The following SCHIP1 variants were observed in gnomAD, a reference collection of about 807,000 sequenced individuals.
SCHIP1 encodes schwannomin-interacting protein 1.
A neutral mutation model predicts 29.7 loss-of-function variants in SCHIP1; 8 were observed. The observed-to-expected ratio is 0.27, with a 90% CI of 0.16 to 0.49. The LOEUF (loss-of-function observed/expected upper bound fraction) is 0.49, where lower values mean the gene tolerates loss of function less well. SCHIP1 is among the 20% of genes least tolerant of loss of function. The pLI is 0.99. For missense variants in SCHIP1, 193 were observed against 294.6 expected (o/e 0.66, Z 2.52); for synonymous variants, 76 against 94.9 (o/e 0.80, Z 1.16).
chr3:159,647,761 C>A, the SCHIP1 span, among the ~76,000 whole-genome samples: 949 of 152,248 alleles, frequency 6.2e-3, 16 homozygotes, highest in African/African-American at 0.02. Flanking sequence ...TGTCTACTTG[C>A]TGACAGAAAC....
At chr3:159,649,474 C>T in the SCHIP1 span, among the ~76,000 whole-genome samples, 1 of 151,898 alleles carries the variant, frequency 6.6e-6, no homozygotes, top group Non-Finnish European at 1.5e-5. Flanking sequence ...AGCGAAAGAA[C>T]CAAATCATCA....
the SCHIP1 span, among the ~76,000 whole-genome samples, chr3:159,308,703 A>G: frequency 6.6e-6 from 1 of 152,224 alleles, no homozygotes; most frequent in Admixed American, 6.5e-5. Context: ...CCGAAAAGAC[A>G]TATGCACTTG....
chr3:159,388,404 T>C, the SCHIP1 span, among the ~76,000 whole-genome samples: 1 of 152,086 alleles, frequency 6.6e-6, no homozygotes, highest in Non-Finnish European at 1.5e-5. Context: ...CCACAAAATT[T>C]TTCTGAAGGA....
the SCHIP1 span, among the ~76,000 whole-genome samples, chr3:159,700,300 A>C: frequency 6.6e-6 from 1 of 152,240 alleles, no homozygotes. Flanking sequence ...CAAGTGATGC[A>C]GTTTCTCCAA....
At chr3:159,575,542 C>A in the SCHIP1 span, among the ~76,000 whole-genome samples, 1 of 152,076 alleles carries the variant, frequency 6.6e-6, no homozygotes, top group Non-Finnish European at 1.5e-5. Flanking sequence ...CTCAAGCGAT[C>A]CTCCTAACTC....
At chr3:159,621,737 C>T in the SCHIP1 span, among the ~76,000 whole-genome samples, 2 of 151,866 alleles carry the variant, frequency 1.3e-5, no homozygotes, top group East Asian at 3.9e-4. Context: ...ATGATCTCGT[C>T]CCACTGCAAT....
At chr3:159,436,672 A>T in the SCHIP1 span, among the ~76,000 whole-genome samples, 1 of 152,180 alleles carries the variant, frequency 6.6e-6, no homozygotes, top group African/African-American at 2.4e-5. Context: ...ATGAAAGGTC[A>T]GGACCCAAGT....
At chr3:159,737,601 GAC>G in the SCHIP1 span, among the ~76,000 whole-genome samples, 2 of 152,178 alleles carry the variant, frequency 1.3e-5, no homozygotes, top group Admixed American at 6.5e-5. Flanking sequence ...CTGTGCTAAA[GAC>G]ACATGTTATT....
chr3:159,394,764 A>G, the SCHIP1 span, among the ~76,000 whole-genome samples: 7 of 152,174 alleles, frequency 4.6e-5, no homozygotes, highest in South Asian at 6.2e-4. Context: ...AAGGATAGTG[A>G]TCTAAAATTC....
At chr3:159,618,089 CTATCT>C in the SCHIP1 span, among the ~76,000 whole-genome samples, 51 of 152,286 alleles carry the variant, frequency 3.3e-4, no homozygotes, top group East Asian at 9.1e-3. Context: ...ATTATGCATC[CTATCT>C]TATCTTCAAA....
the SCHIP1 span, among the ~76,000 whole-genome samples, chr3:159,458,241 T>C: frequency 2.0e-5 from 3 of 152,324 alleles, no homozygotes; most frequent in East Asian, 5.8e-4. Flanking sequence ...TCCCCAGTAG[T>C]TGTCCTTTCT....
the SCHIP1 span, among the ~76,000 whole-genome samples, chr3:159,425,187 A>C: frequency 1.3e-5 from 2 of 152,150 alleles, no homozygotes; most frequent in Non-Finnish European, 2.9e-5. Context: ...ATTCACACAT[A>C]ACAATATTAA....
chr3:159,457,634 C>T, the SCHIP1 span, among the ~76,000 whole-genome samples: 2 of 152,032 alleles, frequency 1.3e-5, no homozygotes, highest in East Asian at 1.9e-4. Context: ...GAAAATATGA[C>T]ATATCAAAGA....
chr3:159,590,652 TC>T, the SCHIP1 span, among the ~76,000 whole-genome samples: 1 of 152,090 alleles, frequency 6.6e-6, no homozygotes, highest in East Asian at 1.9e-4. Flanking sequence ...GTGTGTTAAA[TC>T]CCTCTCCCTG....
the SCHIP1 span, among the ~76,000 whole-genome samples, chr3:159,804,656 G>A: frequency 1.3e-5 from 2 of 152,150 alleles, no homozygotes; most frequent in African/African-American, 4.8e-5. Flanking sequence ...TTGTCCCCTC[G>A]GTGTATACTT....
the SCHIP1 span, among the ~76,000 whole-genome samples, chr3:159,696,622 T>G: frequency 6.6e-6 from 1 of 152,202 alleles, no homozygotes; most frequent in African/African-American, 2.4e-5. Flanking sequence ...TTAGACAAGT[T>G]TTCTACTCTC....
chr3:159,580,966 G>T, the SCHIP1 span, among the ~76,000 whole-genome samples: 3 of 152,128 alleles, frequency 2.0e-5, no homozygotes, highest in African/African-American at 7.2e-5. Context: ...CTGAAAAATT[G>T]TGTCTCTTTT....
the SCHIP1 span, among the ~76,000 whole-genome samples, chr3:159,430,685 A>C: frequency 3.3e-5 from 5 of 152,172 alleles, no homozygotes; most frequent in Non-Finnish European, 5.9e-5. Flanking sequence ...CATGTGAGAA[A>C]TGACTAAAGA....
At chr3:159,466,956 C>A in the SCHIP1 span, among the ~76,000 whole-genome samples, 5 of 151,888 alleles carry the variant, frequency 3.3e-5, no homozygotes, top group Admixed American at 1.3e-4. Flanking sequence ...AAATGAAAAA[C>A]CACTTTCAAT....
Sources: gnomAD v4.1 joint callset for allele counts (sites outside exome capture counted in the v4.1 genomes callset) on GRCh38, gnomAD v4.1.1 for gene constraint, MANE v1.5 for transcripts, NCBI Gene and HGNC (gene_info 2026-07-23, HGNC 2026-07-21) for gene names.